SSBP3: variants seen among roughly 807,000 people sequenced by gnomAD.
SSBP3 encodes single-stranded DNA-binding protein 3.
SSBP3 carries 5 observed loss-of-function variants against 69.6 expected under a neutral mutation model. The ratio of observed to expected loss-of-function variants is 0.07; its 90% confidence interval spans 0.04 to 0.15. SSBP3 has a LOEUF of 0.15. Ranked by LOEUF, SSBP3 falls within the 10% of genes least tolerant of loss-of-function variation. The pLI is 1.00. For synonymous variants in SSBP3, 196 were observed against 193.4 expected (o/e 1.01, Z -0.11); for missense variants, 312 against 534.0 (o/e 0.58, Z 4.10).
At chr1:54,253,959 GGGGACCTGGAGGTC>G (rs1410129301) in intron 7 of SSBP3, among the ~76,000 whole-genome samples, 1 of 152,268 alleles carries the variant, frequency 6.6e-6, no homozygotes, top group Non-Finnish European at 1.5e-5. Flanking sequence ...GAGGCTCAGA[GGGGACCTGGAGGTC>G]GCGTCCCTCA....
intron 4 of SSBP3, among the ~76,000 whole-genome samples, chr1:54,348,960 G>C (rs1410973406): frequency 1.3e-5 from 2 of 152,192 alleles, no homozygotes; most frequent in Non-Finnish European, 2.9e-5. Flanking sequence ...CCAGAACCAG[G>C]CTAAAAACCC....
chr1:54,237,505 C>CGGTG (rs1290663599), intron 14 of SSBP3: 1 of 152,216 alleles, frequency 6.6e-6, no homozygotes, highest in African/African-American at 2.4e-5. Flanking sequence ...GTGCCTCCAC[C>CGGTG]TCCCCTTCTC....
At chr1:54,263,814 G>A (rs1278658106) in intron 5 of SSBP3, among the ~76,000 whole-genome samples, 1 of 152,202 alleles carries the variant, frequency 6.6e-6, no homozygotes, top group Non-Finnish European at 1.5e-5. Context: ...CGACCACACT[G>A]CCATGGGCAA....
chr1:54,328,778 C>T (rs910507785), intron 4 of SSBP3, among the ~76,000 whole-genome samples: 1 of 152,180 alleles, frequency 6.6e-6, no homozygotes, highest in African/African-American at 2.4e-5. Context: ...AACCCAATAC[C>T]TACCGGGACC....
intron 4 of SSBP3, among the ~76,000 whole-genome samples, chr1:54,374,164 C>T (rs72912186): frequency 6.6e-6 from 1 of 152,318 alleles, no homozygotes; most frequent in South Asian, 2.1e-4. Context: ...AGGGCTTACA[C>T]TGAGCCTTGG....
At chr1:54,393,797 T>C (rs1039585642) in intron 4 of SSBP3, among the ~76,000 whole-genome samples, 1 of 152,190 alleles carries the variant, frequency 6.6e-6, no homozygotes, top group African/African-American at 2.4e-5. Flanking sequence ...TCTCGCTCTA[T>C]TGCCTAGGCT....
chr1:54,269,732 G>A (rs1019494837), intron 5 of SSBP3, among the ~76,000 whole-genome samples: 4 of 152,254 alleles, frequency 2.6e-5, no homozygotes, highest in Non-Finnish European at 5.9e-5. Context: ...GAGGGGCAGA[G>A]GCCAGGTCTG....
intron 4 of SSBP3, among the ~76,000 whole-genome samples, chr1:54,397,021 G>A (rs1405568104): frequency 6.6e-6 from 1 of 152,228 alleles, no homozygotes; most frequent in Non-Finnish European, 1.5e-5. Context: ...AGCTTAAAGA[G>A]GGGCTGCAAC....
intron 3 of SSBP3, among the ~76,000 whole-genome samples, 159 bp from the exon 4 acceptor site, chr1:54,402,104 G>A (rs899616893): frequency 2.6e-5 from 4 of 152,306 alleles, no homozygotes; most frequent in East Asian, 1.9e-4. Flanking sequence ...AACAAAACAC[G>A]TCCAACTTCT....
chr1:54,406,360 G>A (rs1649772620), exon 1 of SSBP3: 1 of 74,488 alleles, frequency 1.3e-5, no homozygotes. Flanking sequence ...CTCCAGCACC[G>A]CTGCCGCCGC....
intron 9 of SSBP3, among the ~76,000 whole-genome samples, chr1:54,250,821 G>A (rs1006981619): frequency 1.3e-5 from 2 of 152,208 alleles, no homozygotes; most frequent in Non-Finnish European, 2.9e-5. Context: ...AGGGCTGGGG[G>A]TAAGCAGTGA....
At chr1:54,274,266 T>C (rs1442587479) in intron 5 of SSBP3, among the ~76,000 whole-genome samples, 1 of 152,230 alleles carries the variant, frequency 6.6e-6, no homozygotes, top group African/African-American at 2.4e-5. Flanking sequence ...ACTGGCCAAT[T>C]TGAGCCTCAG....
intron 4 of SSBP3, among the ~76,000 whole-genome samples, chr1:54,380,239 G>A (rs1647514765): frequency 6.6e-6 from 1 of 152,158 alleles, no homozygotes; most frequent in Admixed American, 6.5e-5. Context: ...GACTCGCTCT[G>A]TGGTCTGGAC....
At chr1:54,366,899 C>A (rs1323300445) in intron 4 of SSBP3, among the ~76,000 whole-genome samples, 1 of 152,150 alleles carries the variant, frequency 6.6e-6, no homozygotes, top group Non-Finnish European at 1.5e-5. Context: ...TCAGACAAAC[C>A]TGGCTTCCAG....
exon 18 of SSBP3, chr1:54,225,525 T>C (rs1367987452): frequency 7.6e-6 from 7 of 924,412 alleles, no homozygotes; most frequent in African/African-American, 1.7e-5. Context: ...CCTCTCTTAA[T>C]TCAGAACCAG....
chr1:54,288,596 G>A (rs1448048150), intron 4 of SSBP3, among the ~76,000 whole-genome samples: 6 of 126,760 alleles, frequency 4.7e-5, no homozygotes, highest in Non-Finnish European at 1.0e-4. Flanking sequence ...TGGGGGGGGG[G>A]AGGGTAGTAT....
At chr1:54,247,723 G>C (rs975762423) in intron 9 of SSBP3, among the ~76,000 whole-genome samples, 2 of 152,136 alleles carry the variant, frequency 1.3e-5, no homozygotes, top group African/African-American at 4.8e-5. Context: ...CTCAGAATTG[G>C]CACCCCGGGG....
chr1:54,229,003 C>T (rs1170182256), intron 14 of SSBP3, among the ~76,000 whole-genome samples, 177 bp from the exon 15 acceptor site: 2 of 152,226 alleles, frequency 1.3e-5, no homozygotes, highest in Non-Finnish European at 2.9e-5. Context: ...TCACCTCGGC[C>T]CTCTAAGCTG....
rs564326092 is a variant in SSBP3 at position 54,359,727 on chromosome 1, C to T, written c.276+42134G>A. 1.3e-4 allele frequency among the ~76,000 whole-genome samples: 20 copies of T among 152,196 alleles called. No individual in the cohort carries two copies. In the East Asian group the frequency reaches 2.7e-3, roughly 21 times the overall value. The stretch of plus-strand genomic sequence containing the variant: ...AAAACTCCAATGTTTAGGGCACTTC[C>T]GTGGAGCAAAGAATCAGAAAATACG... On this transcript the variant is annotated intron_variant, in intron 4 of 17. Transcript: ENST00000610401.
Sources: gnomAD v4.1 joint callset for allele counts (sites outside exome capture counted in the v4.1 genomes callset) on GRCh38, gnomAD v4.1.1 for gene constraint, MANE v1.5 for transcripts, NCBI Gene and HGNC (gene_info 2026-07-23, HGNC 2026-07-21) for gene names.